Variants in MTIF3 observed in about 807,000 individuals in gnomAD.
The protein encoded by MTIF3 is translation initiation factor IF-3, mitochondrial.
Under a neutral mutation model 20.7 loss-of-function variants are expected in MTIF3, and 13 were observed. The ratio of observed to expected loss-of-function variants is 0.63; its 90% CI spans 0.41 to 1.00. The LOEUF (loss-of-function observed/expected upper bound fraction) is 1.00, where lower values mean the gene tolerates loss of function less well. Among genes scored for constraint, MTIF3 ranks in the 50% least tolerant of loss-of-function variants. The pLI is 0.00. For synonymous variants in MTIF3, 114 were observed against 112.5 expected, an observed-to-expected ratio of 1.01 and a Z score of -0.08; for missense variants, 295 against 324.5, an observed-to-expected ratio of 0.91 and a Z score of 0.70.
At position 27,440,439 on chromosome 13, in the gene MTIF3, G is replaced by A; in HGVS notation, c.10C>T (p.Leu4Phe). 2 of 1,599,496 alleles carry A rather than the reference G, an allele frequency of 1.3e-6. No homozygotes were observed. The highest frequency in any genetic ancestry group is 1.8e-5 in the Admixed American group (1 of 56,676). Residue 4 changes from leucine (L) to phenylalanine (F), a missense_variant, in exon 3 of 5, where the codon CTT becomes TTT. Transcript: ENST00000381120. MAALFLKRLTLQTV... is the reference protein window; with the variant it reads MAAFFLKRLTLQTV... ...TGTAGTGTTAACCTCTTTAGAAAAAGAGCAGCCATCCTAAGAAAGTAGTAA... is the reference window on the plus strand; with the variant it reads ...TGTAGTGTTAACCTCTTTAGAAAAAAAGCAGCCATCCTAAGAAAGTAGTAA...
intron 1 of MTIF3, among the ~76,000 whole-genome samples, chr13:27,446,752 ATTT>A (rs986667666): frequency 2.0e-5 from 3 of 152,154 alleles, no homozygotes; most frequent in Admixed American, 6.5e-5. Flanking sequence ...TAAAATTCTG[ATTT>A]TTTTGTAATG....
At chr13:27,446,836 G>A (rs1045617906) in intron 1 of MTIF3, among the ~76,000 whole-genome samples, 2 of 152,092 alleles carry the variant, frequency 1.3e-5, no homozygotes, top group African/African-American at 4.8e-5. Context: ...AAATGGTGAT[G>A]GGGGCGGATG....
chr13:27,446,517 G>A lies in MTIF3; in HGVS notation c.-70-1361C>T, dbSNP rs554073711. Among the ~76,000 whole-genome samples, 43 of 152,268 alleles carry A rather than the reference G, an allele frequency of 2.8e-4. No homozygotes were observed. The South Asian group carries it at 4.6e-3, about 16-fold the overall frequency. On this transcript the variant is annotated intron_variant, in intron 1 of 4. Coordinates refer to ENST00000381120, the MANE Select transcript of MTIF3 (RefSeq NM_152912.5). Reference sequence around the variant, plus strand: ...TGCTAAATCTAGGTTATGGTTATACGGGTGTTCAATAATTAATACATTTTT... The same window carrying A: ...TGCTAAATCTAGGTTATGGTTATACAGGTGTTCAATAATTAATACATTTTT...
intron 2 of MTIF3, 106 bp from the exon 3 acceptor site, chr13:27,440,555 G>GC: frequency 1.2e-6 from 1 of 823,064 alleles, no homozygotes; most frequent in South Asian, 1.8e-5. Flanking sequence ...GGCTGTAACT[G>GC]CAAGTGTGAG....
intron 3 of MTIF3, among the ~76,000 whole-genome samples, chr13:27,439,252 T>C (rs766554258): frequency 6.6e-6 from 1 of 152,014 alleles, no homozygotes; most frequent in Non-Finnish European, 1.5e-5. Flanking sequence ...TCCCAGCACT[T>C]TGGGAGGCCG....
At chr13:27,438,022 AAAAT>A (rs1026726760) in intron 3 of MTIF3, among the ~76,000 whole-genome samples, 5 of 152,232 alleles carry the variant, frequency 3.3e-5, no homozygotes, top group Admixed American at 6.5e-5. Flanking sequence ...TCTACGTAGA[AAAAT>A]AAAGGAATAT....
intron 3 of MTIF3, among the ~76,000 whole-genome samples, chr13:27,438,528 T>A (rs1953879287): frequency 7.0e-6 from 1 of 143,278 alleles, no homozygotes; most frequent in African/African-American, 2.6e-5. Context: ...GGTCTCGCTC[T>A]GTCACCCAGG....
At chr13:27,443,054 C>T (rs1954057021) in intron 2 of MTIF3, among the ~76,000 whole-genome samples, 1 of 152,228 alleles carries the variant, frequency 6.6e-6, no homozygotes, top group Admixed American at 6.5e-5. Context: ...GGCATTTAAC[C>T]TCTACACCTT....
chr13:27,445,114 C>T lies in MTIF3; in HGVS notation c.-28G>A, dbSNP rs1326362576. The T allele has an allele frequency of 6.6e-6, 1 of 152,046 alleles. No individual in the cohort carries two copies. The highest frequency in any genetic ancestry group is 1.5e-5 in the Non-Finnish European group (1 of 68,028). The allele number at this position is 152,046 out of a possible 1,614,324, so 9.4% of individuals were successfully genotyped here. A position where few individuals can be genotyped will look rare whatever the true frequency, so the allele number is the denominator to read the frequency against. The stretch of plus-strand genomic sequence containing the variant: ...TTTTTTAGGAAGAACTGTAATCATC[C>T]CCAGTTGATGAGGAGAAGCTCTTCT... On this transcript the variant is annotated 5_prime_UTR_variant, in exon 2 of 5. Coordinates refer to ENST00000381120, the MANE Select transcript of MTIF3 (RefSeq NM_152912.5).
At chr13:27,445,719 C>G (rs542838780) in intron 1 of MTIF3, among the ~76,000 whole-genome samples, 33 of 152,308 alleles carry the variant, frequency 2.2e-4, no homozygotes, top group South Asian at 6.2e-4. Context: ...ACCCAAAGTG[C>G]ATGGCACCTT....
chr13:27,442,573 C>T (rs182844759), intron 2 of MTIF3, among the ~76,000 whole-genome samples: 6 of 152,304 alleles, frequency 3.9e-5, no homozygotes, highest in South Asian at 2.1e-4. Flanking sequence ...TGGCCTGTGC[C>T]GACCGTACTT....
In MTIF3 at chr13:27,450,514, C is replaced by G. The variant is rs1166638018; in HGVS notation, c.-76G>C. ...CGCCTCATATTTAGCATTACCTGTGCTGGGGCAAGCGATTGACATACTGTA... is the reference window on the plus strand; with the variant it reads ...CGCCTCATATTTAGCATTACCTGTGGTGGGGCAAGCGATTGACATACTGTA... On this transcript the variant is annotated 5_prime_UTR_variant, in exon 1 of 5. Coordinates refer to ENST00000381120, the MANE Select transcript of MTIF3 (RefSeq NM_152912.5). 6.6e-6 allele frequency: 1 copy of G among 152,340 alleles called. No individual in the cohort carries two copies. Among genetic ancestry groups the G allele is most frequent in the Non-Finnish European group, 1.5e-5 (1 of 68,106 alleles). 9.4% of individuals were successfully genotyped at this position (152,340 alleles called of 1,614,324 possible). A position where few individuals can be genotyped will look rare whatever the true frequency, so the allele number is the denominator to read the frequency against.
At chr13:27,447,082 G>C (rs1380530940) in intron 1 of MTIF3, among the ~76,000 whole-genome samples, 5 of 151,082 alleles carry the variant, frequency 3.3e-5, no homozygotes, top group African/African-American at 1.2e-4. Flanking sequence ...AAGTTAACTG[G>C]TCTACAATGG....
intron 4 of MTIF3, among the ~76,000 whole-genome samples, chr13:27,436,844 C>T (rs1476157357): frequency 2.0e-5 from 3 of 150,026 alleles, no homozygotes; most frequent in Non-Finnish European, 3.0e-5. Context: ...CTCCGCCTCC[C>T]GGGTTCACGC....
chr13:27,437,269 T>G lies in MTIF3; in HGVS notation c.465A>C (p.Pro155=). 1 of 1,613,270 alleles carries G rather than the reference T, an allele frequency of 6.2e-7. No homozygotes were observed. The highest frequency in any genetic ancestry group is 8.5e-7 in the Non-Finnish European group (1 of 1,179,940). The change falls in exon 4 of 5, where the codon CCA becomes CCC. Residue 155 remains proline, a synonymous_variant. Transcript: ENST00000381120. ...ACAAAATCAGTTCCTTTCTCAGGGT[T>G]GGTCCTGGTTTGAAACAGATAGGGT... The part of the protein sequence containing the change: ...EMEKANPKTG[P]TLRKELILSS...
chr13:27,440,573 C>T lies in MTIF3; in HGVS notation c.-1-124G>A, dbSNP rs991917613. ...TGTAACTGCAAGTGTGAGGGAAATG[C>T]TGTTCTCTAGACTTTCAGATCCACA... On this transcript the variant is annotated intron_variant, in intron 2 of 4. Transcript: ENST00000381120. 3 of 727,734 alleles carry T rather than the reference C, an allele frequency of 4.1e-6. No homozygotes were observed. The African/African-American group carries it at 5.4e-5, about 13-fold the overall frequency. The allele number at this position is 727,734 out of a possible 1,614,324, so 45.1% of individuals were successfully genotyped here.
chr13:27,440,388 T>G lies in MTIF3; in HGVS notation c.61A>C (p.Ile21Leu). Reference protein sequence around the residue: ...LQTVKSENSCIRCFGKHILQK... With the variant: ...LQTVKSENSCLRCFGKHILQK... ...AGGATGTGTTTACCAAAACATCTAATGCAACTATTTTCAGACTTTACAGTT... is the reference window on the plus strand; with the variant it reads ...AGGATGTGTTTACCAAAACATCTAAGGCAACTATTTTCAGACTTTACAGTT... The change falls in exon 3 of 5, where the codon ATT becomes CTT. Residue 21 changes from isoleucine (I) to leucine (L), a missense_variant. Coordinates refer to ENST00000381120, the MANE Select transcript of MTIF3 (RefSeq NM_152912.5). The G allele has an allele frequency of 1.2e-6, 2 of 1,614,194 alleles. No homozygotes were observed. Among genetic ancestry groups the G allele is most frequent in the Non-Finnish European group, 1.7e-6 (2 of 1,180,022 alleles).
intron 4 of MTIF3, among the ~76,000 whole-genome samples, chr13:27,436,841 T>G (rs1014309632): frequency 1.5e-5 from 2 of 137,900 alleles, no homozygotes; most frequent in African/African-American, 5.5e-5. Context: ...AAGCTCCGCC[T>G]CCCGGGTTCA....
intron 3 of MTIF3, among the ~76,000 whole-genome samples, chr13:27,438,056 G>GA (rs1237087200): frequency 6.6e-6 from 1 of 152,024 alleles, no homozygotes; most frequent in Admixed American, 6.5e-5. Context: ...ATTCACAGAA[G>GA]AAAAAAGTGA....
Sources: allele counts gnomAD v4.1 joint callset (sites outside exome capture counted in the v4.1 genomes callset), GRCh38; gene constraint gnomAD v4.1.1; transcripts MANE v1.5; gene names NCBI Gene and HGNC (gene_info 2026-07-23, HGNC 2026-07-21).